LINGO2: variants seen among roughly 807,000 people sequenced by gnomAD.
LINGO2 encodes leucine rich repeat and Ig domain containing 2.
In LINGO2, 14 loss-of-function variants were observed where a neutral mutation model predicts 30.6. That is an observed-to-expected ratio of 0.46 (90% confidence interval 0.30 to 0.72). The LOEUF is 0.72. Among genes scored for constraint, LINGO2 ranks in the 30% least tolerant of loss-of-function variants. LINGO2 has a pLI of 0.07. For synonymous variants in LINGO2, 317 were observed against 288.5 expected (o/e 1.10, Z -1.00); for missense variants, 729 against 751.7 (o/e 0.97, Z 0.35).
chr9:28,345,483 T>G (rs1240996694), intron 3 of LINGO2, among the ~76,000 whole-genome samples: 1 of 152,136 alleles, frequency 6.6e-6, no homozygotes, highest in African/African-American at 2.4e-5. Context: ...CAGCTTTATA[T>G]CAAACTAGCA....
the LINGO2 span, among the ~76,000 whole-genome samples, chr9:28,946,156 T>A: frequency 6.6e-6 from 1 of 152,194 alleles, no homozygotes; most frequent in East Asian, 1.9e-4. Flanking sequence ...GCAATCTGAC[T>A]GTTATGAACC....
At chr9:27,965,372 ACT>A (rs1820049724) in intron 5 of LINGO2, among the ~76,000 whole-genome samples, 2 of 151,094 alleles carry the variant, frequency 1.3e-5, no homozygotes, top group African/African-American at 4.9e-5. Context: ...ATAGATAGCA[ACT>A]CTATTTTAAA....
At chr9:27,978,396 C>T (rs777899984) in intron 5 of LINGO2, among the ~76,000 whole-genome samples, 3 of 151,998 alleles carry the variant, frequency 2.0e-5, no homozygotes, top group Non-Finnish European at 4.4e-5. Context: ...ATCCTAACCC[C>T]CAAGGTGATG....
At chr9:28,626,874 C>T (rs1826705538) in intron 1 of LINGO2, among the ~76,000 whole-genome samples, 1 of 150,668 alleles carries the variant, frequency 6.6e-6, no homozygotes, top group Admixed American at 6.6e-5. Context: ...TATTTTCATG[C>T]TTTGAAAAAA....
the LINGO2 span, among the ~76,000 whole-genome samples, chr9:29,044,008 C>T: frequency 2.2e-4 from 33 of 151,948 alleles, no homozygotes; most frequent in Admixed American, 7.9e-4. Context: ...AATGATAAAG[C>T]GAACAGTTTG....
At chr9:28,303,517 G>T (rs1009762897) in intron 3 of LINGO2, among the ~76,000 whole-genome samples, 1 of 152,066 alleles carries the variant, frequency 6.6e-6, no homozygotes, top group Non-Finnish European at 1.5e-5. Flanking sequence ...TTGAAAATTT[G>T]TGTACAATAT....
intron 1 of LINGO2, among the ~76,000 whole-genome samples, chr9:28,605,452 T>G (rs16913393): frequency 0.041 from 6,171 of 151,972 alleles, 432 homozygotes; most frequent in African/African-American, 0.14. Context: ...TTCCTCTTAT[T>G]TATTTCTTGT....
the LINGO2 span, among the ~76,000 whole-genome samples, chr9:28,881,424 G>C: frequency 1.3e-5 from 2 of 151,996 alleles, no homozygotes; most frequent in Non-Finnish European, 2.9e-5. Context: ...ATGCCGGTCA[G>C]AATATTCTAT....
chr9:28,836,631 AT>A, the LINGO2 span, among the ~76,000 whole-genome samples: 1 of 152,102 alleles, frequency 6.6e-6, no homozygotes, highest in African/African-American at 2.4e-5. Context: ...AATATTTTTA[AT>A]TTTTTAAAAT....
chr9:28,575,188 G>A (rs1823893960), intron 1 of LINGO2, among the ~76,000 whole-genome samples: 1 of 152,056 alleles, frequency 6.6e-6, no homozygotes, highest in Non-Finnish European at 1.5e-5. Context: ...TGGATCATGA[G>A]GTCACGAGTT....
chr9:28,846,694 T>C, the LINGO2 span, among the ~76,000 whole-genome samples: 2 of 147,508 alleles, frequency 1.4e-5, no homozygotes, highest in African/African-American at 2.6e-5. Context: ...CCAACAGTTC[T>C]AATTACCATC....
At chr9:28,949,801 C>A in the LINGO2 span, among the ~76,000 whole-genome samples, 3 of 152,166 alleles carry the variant, frequency 2.0e-5, no homozygotes, top group Non-Finnish European at 4.4e-5. Flanking sequence ...GGCAGAGACA[C>A]AACAAGAAAA....
chr9:28,410,815 T>C (rs1822730933), intron 2 of LINGO2, among the ~76,000 whole-genome samples: 1 of 152,106 alleles, frequency 6.6e-6, no homozygotes, highest in Non-Finnish European at 1.5e-5. Flanking sequence ...TTTATTCTGA[T>C]AAAATATGAA....
At chr9:29,149,034 T>C in the LINGO2 span, among the ~76,000 whole-genome samples, 2 of 152,114 alleles carry the variant, frequency 1.3e-5, no homozygotes, top group East Asian at 3.9e-4. Flanking sequence ...TTATCGGTTG[T>C]CACAGAGGAG....
chr9:29,076,101 C>T, the LINGO2 span, among the ~76,000 whole-genome samples: 2 of 151,750 alleles, frequency 1.3e-5, no homozygotes, highest in African/African-American at 4.8e-5. Flanking sequence ...TGGTCTCAAA[C>T]TCCTGGCCTC....
intron 5 of LINGO2, among the ~76,000 whole-genome samples, chr9:27,977,086 T>G (rs1288531865): frequency 6.6e-6 from 1 of 151,496 alleles, no homozygotes; most frequent in East Asian, 1.9e-4. Flanking sequence ...ATTCGTAAGA[T>G]GCTATCTCTC....
At chr9:28,464,467 A>G (rs1208689415) in intron 2 of LINGO2, among the ~76,000 whole-genome samples, 2 of 152,192 alleles carry the variant, frequency 1.3e-5, no homozygotes, top group Non-Finnish European at 2.9e-5. Flanking sequence ...GTCATCCTCA[A>G]TGATTTTTGT....
At chr9:28,438,875 A>G (rs1824066673) in intron 2 of LINGO2, among the ~76,000 whole-genome samples, 1 of 143,928 alleles carries the variant, frequency 6.9e-6, no homozygotes, top group Non-Finnish European at 1.5e-5. Flanking sequence ...TTTATACATT[A>G]TATATAGTGA....
At chr9:28,462,414 TAAAAAAA>T (rs61677547) in intron 2 of LINGO2, among the ~76,000 whole-genome samples, 2 of 89,104 alleles carry the variant, frequency 2.2e-5, no homozygotes, top group African/African-American at 8.7e-5. Flanking sequence ...ATGCTCTAGC[TAAAAAAA>T]AAAAAAAAAA....
Sources: allele counts gnomAD v4.1 joint callset (sites outside exome capture counted in the v4.1 genomes callset), GRCh38; gene constraint gnomAD v4.1.1; transcripts MANE v1.5; gene names NCBI Gene and HGNC (gene_info 2026-07-23, HGNC 2026-07-21).